The following MCC variants were observed in gnomAD, a reference collection of about 807,000 sequenced individuals.
MCC encodes colorectal mutant cancer protein.
In MCC, 90 loss-of-function variants were observed where a neutral mutation model predicts 116.2. The observed-to-expected ratio is 0.77, with a 90% CI of 0.65 to 0.92. The LOEUF (loss-of-function observed/expected upper bound fraction) is 0.92. MCC is among the 40% of genes least tolerant of loss of function. The pLI, the probability that MCC is intolerant of heterozygous loss-of-function variation, is 0.00. For missense variants in MCC, 1,516 were observed against 1,312.2 expected (o/e 1.16, Z -2.40); for synonymous variants, 578 against 510.5 (o/e 1.13, Z -1.78).
At position 113,049,193 on chromosome 5, in the gene MCC, A is replaced by G; in HGVS notation, c.2555T>C (p.Val852Ala). 6.2e-7 allele frequency: 1 copy of G among 1,614,148 alleles called. No homozygotes were observed. The highest frequency in any genetic ancestry group is 8.5e-7 in the Non-Finnish European group (1 of 1,180,028). Reference sequence around the variant, plus strand: ...CTCGGACTTCAGGTGCTCAATGTGCACCAGGTAGGCCTGCTCCTGGGCCTC... The same window carrying G: ...CTCGGACTTCAGGTGCTCAATGTGCGCCAGGTAGGCCTGCTCCTGGGCCTC... ...TREAQEQAYL[V>A]HIEHLKSEVE... The change falls in exon 16 of 19, where the codon GTG (valine) becomes GCG (alanine). Residue 852 changes from valine to alanine, a missense_variant. Val to Ala is a moderately conservative substitution (Grantham distance 64, BLOSUM62 0). Transcript: ENST00000408903.
chr5:113,081,301 G>A (rs571756821), intron 11 of MCC, among the ~76,000 whole-genome samples: 1 of 152,182 alleles, frequency 6.6e-6, no homozygotes, highest in Non-Finnish European at 1.5e-5. Flanking sequence ...CTGGATTTAA[G>A]GCAAGTCACT....
intron 1 of MCC, among the ~76,000 whole-genome samples, chr5:113,480,236 G>C (rs924907353): frequency 2.6e-5 from 4 of 152,208 alleles, no homozygotes; most frequent in Admixed American, 6.5e-5. Context: ...TGTTGCTGCT[G>C]TTGCTTAAGG....
At chr5:113,084,485 T>C (rs992691497) in intron 9 of MCC, among the ~76,000 whole-genome samples, 7 of 152,240 alleles carry the variant, frequency 4.6e-5, no homozygotes, top group African/African-American at 1.7e-4. Context: ...ACTCCAATTG[T>C]GACCATCAAA....
chr5:113,098,614 G>C (rs1416998059), intron 8 of MCC, among the ~76,000 whole-genome samples: 1 of 152,126 alleles, frequency 6.6e-6, no homozygotes, highest in Non-Finnish European at 1.5e-5. Flanking sequence ...ATTGCCTGTT[G>C]CTCCTTAGGT....
chr5:113,271,267 C>T (rs551078735), intron 3 of MCC, among the ~76,000 whole-genome samples: 1 of 152,172 alleles, frequency 6.6e-6, no homozygotes, highest in Non-Finnish European at 1.5e-5. Flanking sequence ...TTAACAATGG[C>T]ACAGTCATCT....
chr5:113,090,934 T>C (rs146421361), intron 8 of MCC, among the ~76,000 whole-genome samples: 32 of 151,178 alleles, frequency 2.1e-4, no homozygotes, highest in African/African-American at 7.8e-4. Flanking sequence ...GCTGAAGGAG[T>C]TGCCAGGAGG....
rs559453050 is a variant in MCC, at chr5:113,387,506, A to G, written c.171-2294T>C. Reference sequence around the variant, plus strand: ...GTTCAGGGTTCAGATTATACTTTCTAAAATAAGGATTTCTTTTTTAGATAT... The same window carrying G: ...GTTCAGGGTTCAGATTATACTTTCTGAAATAAGGATTTCTTTTTTAGATAT... On this transcript the variant is annotated intron_variant, in intron 1 of 18. Transcript: ENST00000408903. 4.5e-4 allele frequency among the ~76,000 whole-genome samples: 68 copies of G among 152,326 alleles called. No homozygotes were observed. The South Asian group carries it at 0.013, about 29-fold the overall frequency.
At chr5:113,411,367 G>A (rs1461049999) in intron 1 of MCC, among the ~76,000 whole-genome samples, 11 of 152,150 alleles carry the variant, frequency 7.2e-5, no homozygotes, top group Non-Finnish European at 8.8e-5. Flanking sequence ...GTGATGATGA[G>A]CATTTTTTCA....
At chr5:113,351,230 A>G (rs1319411915) in intron 2 of MCC, among the ~76,000 whole-genome samples, 1 of 152,120 alleles carries the variant, frequency 6.6e-6, no homozygotes, top group African/African-American at 2.4e-5. Context: ...AAGGATATCT[A>G]CACTCCCATG....
chr5:113,154,645 A>G (rs1319649157), intron 3 of MCC, among the ~76,000 whole-genome samples: 1 of 152,240 alleles, frequency 6.6e-6, no homozygotes, highest in African/African-American at 2.4e-5. Flanking sequence ...GCATTCCTGC[A>G]AATTCAAAAG....
chr5:113,187,260 C>A (rs1008982357), intron 3 of MCC, among the ~76,000 whole-genome samples: 31 of 152,324 alleles, frequency 2.0e-4, no homozygotes, highest in Middle Eastern at 3.4e-3. Flanking sequence ...AAGCATGCGC[C>A]ACCATGCCCA....
intron 1 of MCC, among the ~76,000 whole-genome samples, chr5:113,395,650 G>A (rs7702120): frequency 6.6e-6 from 1 of 151,982 alleles, no homozygotes; most frequent in Admixed American, 6.6e-5. Context: ...AATACTGAAG[G>A]CTTCAAAATC....
intron 17 of MCC, among the ~76,000 whole-genome samples, chr5:113,039,721 C>G (rs962515094): frequency 1.7e-4 from 25 of 147,842 alleles, no homozygotes; most frequent in Non-Finnish European, 3.4e-4. Flanking sequence ...GCCCCCCCCC[C>G]CAACCCACCC....
At chr5:113,421,175 C>A (rs1356608431) in intron 1 of MCC, among the ~76,000 whole-genome samples, 1 of 152,016 alleles carries the variant, frequency 6.6e-6, no homozygotes, top group East Asian at 1.9e-4. Flanking sequence ...CAGGCACGCG[C>A]CACCATGCCC....
chr5:113,328,034 TCTA>T (rs1767610275), intron 3 of MCC, among the ~76,000 whole-genome samples: 1 of 152,158 alleles, frequency 6.6e-6, no homozygotes, highest in Non-Finnish European at 1.5e-5. Flanking sequence ...AATTCACAGA[TCTA>T]CTAATCCTTT....
chr5:113,046,684 G>GAAAAAAAAAAAAA (rs1561749937), intron 16 of MCC, among the ~76,000 whole-genome samples: 1 of 6,286 alleles, frequency 1.6e-4, no homozygotes, highest in African/African-American at 7.4e-4. Flanking sequence ...AACTCAAAAG[G>GAAAAAAAAAAAAA]CAAAAAAAAA....
intron 6 of MCC, among the ~76,000 whole-genome samples, chr5:113,116,942 A>C (rs1351456388): frequency 1.3e-5 from 2 of 152,228 alleles, no homozygotes; most frequent in African/African-American, 4.8e-5. Flanking sequence ...TAAGTTGCCC[A>C]CATAAAGAAA....
At chr5:113,077,579 G>A (rs1754544860) in intron 11 of MCC, among the ~76,000 whole-genome samples, 2 of 152,290 alleles carry the variant, frequency 1.3e-5, no homozygotes, top group South Asian at 4.1e-4. Flanking sequence ...TGAAATGAAG[G>A]CAGAAATAAA....
chr5:113,250,939 G>A (rs533205661), intron 3 of MCC, among the ~76,000 whole-genome samples: 1 of 152,266 alleles, frequency 6.6e-6, no homozygotes, highest in East Asian at 1.9e-4. Flanking sequence ...CCAATAAACT[G>A]TCTTGCCTGA....
Sources: gnomAD v4.1 joint callset for allele counts (sites outside exome capture counted in the v4.1 genomes callset) on GRCh38, gnomAD v4.1.1 for gene constraint, MANE v1.5 for transcripts, NCBI Gene and HGNC (gene_info 2026-07-23, HGNC 2026-07-21) for gene names.